Variants in COG3 observed in about 807,000 individuals in gnomAD.
COG3 encodes conserved oligomeric Golgi complex subunit 3.
COG3 carries 32 observed loss-of-function variants against 114.1 expected under a neutral mutation model. The observed-to-expected ratio is 0.28, with a 90% CI of 0.21 to 0.38. COG3 has a LOEUF of 0.38. Ranked by LOEUF, COG3 falls within the 10% of genes least tolerant of loss-of-function variation. The pLI is 1.00. For missense variants in COG3, 813 were observed against 973.2 expected (o/e 0.84, Z 2.19); for synonymous variants, 352 against 365.7 (o/e 0.96, Z 0.43).
chr13:45,465,927 A>C (rs1885110465), intron 1 of COG3: 1 of 152,218 alleles, frequency 6.6e-6, no homozygotes, highest in South Asian at 2.1e-4. Flanking sequence ...ATTCAATTCA[A>C]TTAGTTGTAA....
rs1039995047 is a variant in COG3, at chr13:45,476,935, T to C, written c.321+588T>C. The stretch of plus-strand genomic sequence containing the variant: ...GTACATGTGTTGGAACTGGATTACA[T>C]ATATAGTAAGTTGAGAGAGGCAGTT... On this transcript the variant is annotated intron_variant, in intron 2 of 22. Coordinates refer to ENST00000349995, the MANE Select transcript of COG3 (RefSeq NM_031431.4). Among the ~76,000 whole-genome samples the C allele has an allele frequency of 3.3e-5, 5 of 152,166 alleles. No homozygotes were observed. In the East Asian group the frequency reaches 9.6e-4, roughly 29 times the overall value.
At chr13:45,486,199 A>C (rs894352648) in intron 7 of COG3, among the ~76,000 whole-genome samples, 5 of 144,658 alleles carry the variant, frequency 3.5e-5, no homozygotes, top group Non-Finnish European at 7.4e-5. Flanking sequence ...CATTCGGCAG[A>C]CTGAGGCAGG....
At chr13:45,525,584 C>CTTAAATGTAAATTTA (rs375277462) in intron 20 of COG3, among the ~76,000 whole-genome samples, 46,776 of 137,456 alleles carry the variant, frequency 0.34, 8,442 homozygotes, top group Admixed American at 0.45. Flanking sequence ...GAGATGTTCC[C>CTTAAATGTAAATTTA]AGTCTTACTC....
At chr13:45,498,223 A>T (rs1869058309) in intron 13 of COG3, among the ~76,000 whole-genome samples, 1 of 152,134 alleles carries the variant, frequency 6.6e-6, no homozygotes, top group Admixed American at 6.5e-5. Context: ...TTCAGTTCTT[A>T]TTCTCGTAAG....
Position 45,516,635 on chromosome 13 carries a change from G to A in COG3, c.1930+372G>A, listed in dbSNP as rs1593739747. Among the ~76,000 whole-genome samples the A allele has an allele frequency of 2.0e-5, 3 of 152,282 alleles. No individual in the cohort carries two copies. In the East Asian group the frequency reaches 5.8e-4, roughly 29 times the overall value. On this transcript the variant is annotated intron_variant, in intron 17 of 22. Transcript: ENST00000349995. ...GAGTTTGTCAGTTTATGAAAATTCA[G>A]GAAGCCAGCTGGGTAAAATGAGAAG...
intron 16 of COG3, among the ~76,000 whole-genome samples, chr13:45,515,282 G>A (rs1871425065): frequency 6.6e-6 from 1 of 152,170 alleles, no homozygotes; most frequent in African/African-American, 2.4e-5. Flanking sequence ...AGTGGAGAGA[G>A]TAAGCGAGAC....
chr13:45,514,111 A>T (rs140682845), intron 16 of COG3, among the ~76,000 whole-genome samples: 3,843 of 151,900 alleles, frequency 0.025, 69 homozygotes, highest in Non-Finnish European at 0.041. Context: ...ACCTAATTTT[A>T]AAAAAAGTTC....
At chr13:45,503,195 G>A in intron 13 of COG3, 49 bp from the exon 14 acceptor site, 1 of 878,630 alleles carries the variant, frequency 1.1e-6, no homozygotes, top group Non-Finnish European at 1.9e-6. Context: ...TGTTCATGTT[G>A]CCAAACACTG....
intron 14 of COG3, among the ~76,000 whole-genome samples, chr13:45,506,345 G>A (rs534759997): frequency 6.6e-6 from 1 of 152,236 alleles, no homozygotes; most frequent in African/African-American, 2.4e-5. Flanking sequence ...AACAGCCAGC[G>A]TGGTCAGAAG....
chr13:45,509,605 A>C, intron 14 of COG3, 87 bp from the exon 15 acceptor site: 2 of 1,541,788 alleles, frequency 1.3e-6, no homozygotes, highest in Non-Finnish European at 1.8e-6. Flanking sequence ...GCTAATGAGA[A>C]TAAGCAGTTT....
At chr13:45,470,940 A>G (rs891566917) in intron 1 of COG3, among the ~76,000 whole-genome samples, 8 of 152,214 alleles carry the variant, frequency 5.3e-5, no homozygotes, top group Admixed American at 4.6e-4. Context: ...CATGGCAGTG[A>G]GCCACAGCTC....
chr13:45,479,101 A>G, intron 3 of COG3, 35 bp downstream of exon 3: 1 of 1,436,630 alleles, frequency 7.0e-7, no homozygotes. Context: ...GAATATCTTA[A>G]TTTTTAGATC....
chr13:45,536,105 ACT>A lies in COG3; in HGVS notation c.*1379_*1380del, dbSNP rs57906257. On this transcript the variant is annotated 3_prime_UTR_variant, in exon 23 of 23. Transcript: ENST00000349995. ...TGGACGTTGCTTGATTGAGCTTATT[ACT>A]CTCTATTTTGAGAAGGTAGAAGGTA... 4,644 of 152,802 alleles carry A rather than the reference ACT, an allele frequency of 0.03. 216 individuals carry two copies. Among genetic ancestry groups the A allele is most frequent in the African/African-American group, 0.1 (4,158 of 41,388 alleles). 9.5% of individuals were successfully genotyped at this position (152,802 alleles called of 1,614,324 possible).
rs1871083948 is a variant in COG3 at position 45,513,216 on chromosome 13, TATATATATATAATA to T, written c.1809+1363_1809+1376del. On this transcript the variant is annotated intron_variant, in intron 16 of 22. Transcript: ENST00000349995. ...ATATATATAATATATACATATAAAT[TATATATATATAATA>T]TATACATATAAATTATACATATAAT... Among the ~76,000 whole-genome samples, 3 of 11,994 alleles carry T rather than the reference TATATATATATAATA, an allele frequency of 2.5e-4. No individual in the cohort carries two copies. The Admixed American group carries it at 7.1e-3, about 28-fold the overall frequency. 7.9% of individuals were successfully genotyped at this position (11,994 alleles called of 152,430 possible). A position where few individuals can be genotyped will look rare whatever the true frequency, so the allele number is the denominator to read the frequency against.
intron 1 of COG3, chr13:45,465,912 G>T (rs1376350598): frequency 1.3e-5 from 2 of 152,228 alleles, no homozygotes; most frequent in Non-Finnish European, 2.9e-5. Context: ...ACTGCTTCTT[G>T]TGTGATTCAA....
intron 7 of COG3, 113 bp from the exon 8 acceptor site, chr13:45,486,382 T>A (rs1032718191): frequency 8.8e-6 from 5 of 571,166 alleles, no homozygotes; most frequent in African/African-American, 2.1e-5. Context: ...CTCCCTAAGC[T>A]TTGATTGGTA....
Position 45,534,811 on chromosome 13 carries a change from G to T in COG3, c.*80G>T. On this transcript the variant is annotated 3_prime_UTR_variant, in exon 23 of 23. Transcript: ENST00000349995. ...AGTCTTGCAGTCTGCAGGACACCGA[G>T]GAATCGTATGTGGGAACGTCCCCGA... 6.9e-7 allele frequency: 1 copy of T among 1,451,360 alleles called. No homozygotes were observed. The highest frequency in any genetic ancestry group is 9.1e-7 in the Non-Finnish European group (1 of 1,101,200). 89.9% of individuals were successfully genotyped at this position (1,451,360 alleles called of 1,614,324 possible). A position where few individuals can be genotyped will look rare whatever the true frequency, so the allele number is the denominator to read the frequency against.
At chr13:45,512,213 A>G (rs990639333) in intron 16 of COG3, among the ~76,000 whole-genome samples, 1 of 152,198 alleles carries the variant, frequency 6.6e-6, no homozygotes. Context: ...CTCTACGATA[A>G]TGTTTTAAAT....
chr13:45,505,277 T>A (rs950929258), intron 14 of COG3, among the ~76,000 whole-genome samples: 2 of 148,662 alleles, frequency 1.3e-5, no homozygotes, highest in Non-Finnish European at 3.0e-5. Flanking sequence ...TTGGATTGAA[T>A]AAAATATACT....
Sources: allele counts gnomAD v4.1 joint callset (sites outside exome capture counted in the v4.1 genomes callset), GRCh38; gene constraint gnomAD v4.1.1; transcripts MANE v1.5; gene names NCBI Gene and HGNC (gene_info 2026-07-23, HGNC 2026-07-21).